Variants in GSE1 observed in about 807,000 individuals in gnomAD.
The protein encoded by GSE1 is genetic suppressor element 1.
A neutral mutation model predicts 112.6 loss-of-function variants in GSE1; 32 were observed. That is an observed-to-expected ratio of 0.28 (90% CI 0.21 to 0.38). The LOEUF (loss-of-function observed/expected upper bound fraction) is 0.38, where lower values mean the gene tolerates loss of function less well. GSE1 is among the 10% of genes least tolerant of loss of function. The pLI is 1.00. For missense variants in GSE1, 2,348 were observed against 1,699.2 expected, an observed-to-expected ratio of 1.38 and a Z score of -6.71; for synonymous variants, 1,115 against 735.6, an observed-to-expected ratio of 1.52 and a Z score of -8.35.
chr16:85,491,583 A>G (rs922339773), intron 2 of GSE1, among the ~76,000 whole-genome samples: 20 of 152,010 alleles, frequency 1.3e-4, no homozygotes, highest in African/African-American at 4.8e-4. Flanking sequence ...GGAGGGCGAG[A>G]CGGCTGTGTG....
chr16:85,409,839 C>A (rs1446710406), intron 2 of GSE1, among the ~76,000 whole-genome samples: 166 of 7,328 alleles, frequency 0.023, no homozygotes, highest in Non-Finnish European at 0.042. Flanking sequence ...ACACTCAGGG[C>A]CCCCCGGATA....
intron 1 of GSE1, among the ~76,000 whole-genome samples, chr16:85,217,111 T>C (rs768321706): frequency 7.2e-5 from 11 of 152,234 alleles, no homozygotes; most frequent in Non-Finnish European, 1.6e-4. Context: ...CCCTTTCTGC[T>C]TCCGTTTCCC....
chr16:85,212,197 G>C, intron 1 of GSE1, among the ~76,000 whole-genome samples: 1 of 152,340 alleles, frequency 6.6e-6, no homozygotes, highest in African/African-American at 2.4e-5. Flanking sequence ...CTTGAGGTCA[G>C]GAGATCGAGA....
At position 85,557,680 on chromosome 16, in the gene GSE1, C is replaced by T. The variant is rs138206312; in HGVS notation, c.37+1317C>T. Among the ~76,000 whole-genome samples the T allele has an allele frequency of 2.7e-3, 412 of 151,450 alleles. 11 individuals are homozygous for T. The East Asian group carries it at 0.063, about 23-fold the overall frequency. The stretch of plus-strand genomic sequence containing the variant: ...GGCAGGAAGGGGCCTGGACAGGACC[C>T]AGCTCCCTTGGATCTGGCCTTTGCT... On this transcript the variant is annotated intron_variant, in intron 1 of 2. Transcript: ENST00000635906.
exon 1 of GSE1, chr16:85,169,909 C>T: frequency 1.0e-6 from 1 of 984,336 alleles, no homozygotes; most frequent in Non-Finnish European, 1.2e-6. Flanking sequence ...AGGCGGCCGC[C>T]GTGGCGGCGC....
chr16:85,473,780 G>GT (rs151173825), intron 2 of GSE1, among the ~76,000 whole-genome samples: 1,712 of 151,190 alleles, frequency 0.011, 31 homozygotes, highest in African/African-American at 0.039. Context: ...GCGGGGCGGA[G>GT]GGGGGGTCAC....
chr16:85,364,866 T>A (rs1451410499), intron 2 of GSE1, among the ~76,000 whole-genome samples: 3 of 152,168 alleles, frequency 2.0e-5, no homozygotes, highest in African/African-American at 7.2e-5. Flanking sequence ...TCGTCCATGG[T>A]CCCACAGTCC....
intron 1 of GSE1, among the ~76,000 whole-genome samples, chr16:85,222,094 C>T (rs1178198229): frequency 6.6e-6 from 1 of 152,180 alleles, no homozygotes; most frequent in Non-Finnish European, 1.5e-5. Flanking sequence ...CACTAGTCCT[C>T]TCCCTCTGGG....
chr16:85,572,348 ACAC>A (rs1219853876), intron 1 of GSE1, among the ~76,000 whole-genome samples: 2 of 144,330 alleles, frequency 1.4e-5, no homozygotes, highest in Non-Finnish European at 3.0e-5. Context: ...ACCCCTCCAC[ACAC>A]AACACACAAT....
rs540728642 is a variant in GSE1 at position 85,249,594 on chromosome 16, C to T, written c.2283+77787C>T. On this transcript the variant is annotated intron_variant, in intron 1 of 2. Coordinates refer to the GSE1 transcript ENST00000637419. ...CACGGATTGTCACTCCGTGGAGCAA[C>T]AGCACAGCAGGGCAGAGTCCTGGGT... 1.8e-3 allele frequency among the ~76,000 whole-genome samples: 278 copies of T among 152,350 alleles called. 1 individual carries two copies. The highest frequency in any genetic ancestry group is 6.3e-3 in the African/African-American group (260 of 41,586).
rs930612682 is a variant in GSE1 at position 85,226,635 on chromosome 16, A to C, written c.2283+54828A>C. On this transcript the variant is annotated intron_variant, in intron 1 of 2. Transcript: ENST00000637419. ...GCAGGCTGCTGCCGGTGCTGTTGTG[A>C]GGTTTAGATAGAATGGAGTCTGCAC... 3.9e-5 allele frequency among the ~76,000 whole-genome samples: 6 copies of C among 152,062 alleles called. No individual in the cohort carries two copies. In the South Asian group the frequency reaches 1.2e-3, roughly 32 times the overall value.
chr16:85,260,931 G>A (rs972754136), intron 1 of GSE1, among the ~76,000 whole-genome samples: 1 of 152,248 alleles, frequency 6.6e-6, no homozygotes, highest in African/African-American at 2.4e-5. Flanking sequence ...ACCTACCCTG[G>A]CCTAGCTGCA....
chr16:85,325,534 C>T (rs995986065), intron 1 of GSE1, among the ~76,000 whole-genome samples: 3 of 152,080 alleles, frequency 2.0e-5, no homozygotes, highest in African/African-American at 7.2e-5. Context: ...TCACTGCAAC[C>T]TCCGCCTCCT....
intron 1 of GSE1, among the ~76,000 whole-genome samples, chr16:85,216,174 G>A (rs1027700955): frequency 3.9e-5 from 6 of 152,218 alleles, no homozygotes; most frequent in Admixed American, 3.3e-4. Flanking sequence ...CCCTTAAAGG[G>A]CTTAAAGGTA....
chr16:85,570,223 T>C (rs1253388991), intron 1 of GSE1, among the ~76,000 whole-genome samples: 2 of 152,118 alleles, frequency 1.3e-5, no homozygotes, highest in East Asian at 1.9e-4. Flanking sequence ...CCTTGGTCAG[T>C]GTCCATCTTC....
chr16:85,180,116 G>T (rs926792675), intron 1 of GSE1, among the ~76,000 whole-genome samples: 1 of 152,254 alleles, frequency 6.6e-6, no homozygotes, highest in Non-Finnish European at 1.5e-5. Flanking sequence ...TGGTTGCCCT[G>T]ACTGCTGTGT....
chr16:85,186,867 A>G (rs369275421), intron 1 of GSE1, among the ~76,000 whole-genome samples: 38 of 152,378 alleles, frequency 2.5e-4, no homozygotes, highest in African/African-American at 8.9e-4. Context: ...AATAGCAGCG[A>G]TGGTTGCCAT....
chr16:85,488,088 C>G (rs75529610), intron 2 of GSE1, among the ~76,000 whole-genome samples: 6,435 of 152,270 alleles, frequency 0.042, 246 homozygotes, highest in East Asian at 0.14. Context: ...CTCGCTGTGA[C>G]CTTGCAGGGC....
In GSE1 at chr16:85,662,963, C is replaced by T. The variant is rs1030600965; in HGVS notation, c.2261-18C>T. 6.6e-7 allele frequency: 1 copy of T among 1,513,556 alleles called. No individual in the cohort carries two copies. Among genetic ancestry groups the T allele is most frequent in the Non-Finnish European group, 9.2e-7 (1 of 1,090,402 alleles). The allele number at this position is 1,513,556 out of a possible 1,614,324, so 93.8% of individuals were successfully genotyped here. ...TGAAGGCTCTTTGTCTGGCTGAATACAACCATTTCTCCATCAGGGTACTAC... is the reference window on the plus strand; with the variant it reads ...TGAAGGCTCTTTGTCTGGCTGAATATAACCATTTCTCCATCAGGGTACTAC... On this transcript the variant is annotated intron_variant, in intron 9 of 15. Transcript: ENST00000253458.
Sources: gnomAD v4.1 joint callset for allele counts (sites outside exome capture counted in the v4.1 genomes callset) on GRCh38, gnomAD v4.1.1 for gene constraint, MANE v1.5 for transcripts, NCBI Gene and HGNC (gene_info 2026-07-23, HGNC 2026-07-21) for gene names.